The following ALAD variants were observed in gnomAD, a reference collection of about 807,000 sequenced individuals.
The protein encoded by ALAD is aminolevulinate dehydratase.
A neutral mutation model predicts 44.4 loss-of-function variants in ALAD; 20 were observed. That is an observed-to-expected ratio of 0.45 (90% CI 0.32 to 0.65). ALAD has a LOEUF of 0.65. Ranked by LOEUF, ALAD falls within the 30% of genes least tolerant of loss-of-function variation. The pLI, the probability that ALAD is intolerant of heterozygous loss-of-function variation, is 0.05. For missense variants in ALAD, 323 were observed against 445.7 expected (o/e 0.72, Z 2.48); for synonymous variants, 156 against 167.9 (o/e 0.93, Z 0.55).
At chr9:113,390,777 G>A in intron 5 of ALAD, 21 bp downstream of exon 5, 1 of 1,602,832 alleles carries the variant, frequency 6.2e-7, no homozygotes. Flanking sequence ...CAGCAGGGCT[G>A]GTGGGAGGGA....
intron 1 of ALAD, among the ~76,000 whole-genome samples, chr9:113,394,435 G>T (rs1174374334): frequency 6.6e-6 from 1 of 151,686 alleles, no homozygotes; most frequent in Non-Finnish European, 1.5e-5. Context: ...CTACTCAGGA[G>T]GCTAAAGCAA....
chr9:113,392,357 C>T (rs1316247095), intron 2 of ALAD, 188 bp from the exon 3 acceptor site: 3 of 1,482,860 alleles, frequency 2.0e-6, no homozygotes, highest in South Asian at 1.3e-5. Context: ...ATAGGAACAA[C>T]AAGAATAACA....
rs766501537 is a variant in ALAD at position 113,393,544 on chromosome 9, C to T, written c.16G>A (p.Val6Ile). 55 of 1,613,444 alleles carry T rather than the reference C, an allele frequency of 3.4e-5. No individual in the cohort carries two copies. The highest frequency in any genetic ancestry group is 2.0e-4 in the Admixed American group (12 of 60,002). ...GGGTGGAAGTAGCCGCTGTGCAGAA[C>T]GGACTGGGGCTGCATGGCGTGGGCC... is the stretch of plus-strand genomic sequence containing the variant. MQPQSVLHSGYFHPLL... is the reference protein window; with the variant it reads MQPQSILHSGYFHPLL... Residue 6 changes from valine to isoleucine, a missense_variant, in exon 2 of 12, where the codon GTT becomes ATT. By Grantham distance (29) the Val-to-Ile change is conservative. Coordinates refer to ENST00000409155, the MANE Select transcript of ALAD (RefSeq NM_000031.6).
Position 113,389,007 on chromosome 9 carries a change from G to T in ALAD, c.901C>A (p.Leu301Met). The T allele has an allele frequency of 6.2e-7, 1 of 1,613,896 alleles. No individual in the cohort carries two copies. Among genetic ancestry groups the T allele is most frequent in the East Asian group, 2.2e-5 (1 of 44,890 alleles). ...CTGCGGAAGGCAGTCATGGCCTCCA[G>T]TACGGCAGCCTTGAGATCAAATGCC... Reference protein sequence around the residue: ...AGAFDLKAAVLEAMTAFRRAG... With the variant: ...AGAFDLKAAVMEAMTAFRRAG... The change falls in exon 11 of 12, where the codon CTG becomes ATG. Residue 301 changes from leucine to methionine, a missense_variant. Coordinates refer to ENST00000409155, the MANE Select transcript of ALAD (RefSeq NM_000031.6).
At chr9:113,390,300 G>A in intron 7 of ALAD, 105 bp downstream of exon 7, 3 of 1,201,882 alleles carry the variant, frequency 2.5e-6, no homozygotes, top group Non-Finnish European at 3.6e-6. Flanking sequence ...GGGACTACAG[G>A]TGTGAGCCAA....
chr9:113,398,419 G>A (rs988512625), intron 1 of ALAD, among the ~76,000 whole-genome samples: 1 of 152,102 alleles, frequency 6.6e-6, no homozygotes, highest in African/African-American at 2.4e-5. Context: ...ACTCCCCATC[G>A]CTTTTAGGAG....
intron 2 of ALAD, among the ~76,000 whole-genome samples, chr9:113,392,911 G>C (rs927762498): frequency 2.8e-5 from 4 of 141,552 alleles, no homozygotes; most frequent in Non-Finnish European, 6.0e-5. Context: ...TCCGCCTCCC[G>C]GGTTCACGCC....
chr9:113,398,872 G>A (rs1400191232), intron 1 of ALAD, among the ~76,000 whole-genome samples: 3 of 152,116 alleles, frequency 2.0e-5, no homozygotes, highest in African/African-American at 4.8e-5. Context: ...TCACATATTG[G>A]CAGAGCCAAA....
In ALAD at chr9:113,388,180, T is replaced by A; in HGVS notation, c.*120A>T. The A allele has an allele frequency of 9.2e-7, 1 of 1,082,354 alleles. No homozygotes were observed. 67.0% of individuals were successfully genotyped at this position (1,082,354 alleles called of 1,614,324 possible). ...CCAGGGCTGCTGGGCCCCGCTAGCATGTGAGCAGGAAGAGGGCATGAGGGC... is the reference window on the plus strand; with the variant it reads ...CCAGGGCTGCTGGGCCCCGCTAGCAAGTGAGCAGGAAGAGGGCATGAGGGC... On this transcript the variant is annotated 3_prime_UTR_variant, in exon 12 of 12. Transcript: ENST00000409155.
chr9:113,390,330 AT>A (rs1827534476), intron 7 of ALAD, 74 bp downstream of exon 7: 2 of 1,494,676 alleles, frequency 1.3e-6, no homozygotes. Flanking sequence ...CAGTTCTGTG[AT>A]TCTTAGCAGA....
chr9:113,391,051 G>T, intron 4 of ALAD, 118 bp from the exon 5 acceptor site: 1 of 1,389,478 alleles, frequency 7.2e-7, no homozygotes. Context: ...CACAGCCCCT[G>T]GATAAGGAAG....
At chr9:113,389,325 G>T in intron 10 of ALAD, 113 bp downstream of exon 10, 2 of 1,367,512 alleles carry the variant, frequency 1.5e-6, no homozygotes, top group South Asian at 1.2e-5. Flanking sequence ...GCAGGGAAGG[G>T]GAGGAGAGGA....
chr9:113,389,808 A>G lies in ALAD; in HGVS notation c.591T>C (p.Ser197=), dbSNP rs2118985645. The G allele has an allele frequency of 6.2e-7, 1 of 1,614,236 alleles. No individual in the cohort carries two copies. Among genetic ancestry groups the G allele is most frequent in the Non-Finnish European group, 8.5e-7 (1 of 1,180,048 alleles). Residue 197 remains serine (S), a synonymous_variant, in exon 8 of 12, where the codon AGT becomes AGC. Transcript: ENST00000409155. ...CATAGAAACAGGAAGCAAATTTGGC[A>G]CTGTAGCTCATCACCGATACCTATG... ...LGNRVSVMSY[S]AKFASCFYGP...
chr9:113,399,628 T>C (rs1265871384), intron 1 of ALAD, among the ~76,000 whole-genome samples: 1 of 152,138 alleles, frequency 6.6e-6, no homozygotes, highest in Non-Finnish European at 1.5e-5. Flanking sequence ...TATGAAAGTA[T>C]CTCCTCCCAT....
intron 3 of ALAD, 150 bp downstream of exon 3, chr9:113,391,969 T>C: frequency 1.2e-6 from 1 of 836,318 alleles, no homozygotes; most frequent in East Asian, 2.7e-5. Context: ...GTGGAACAGC[T>C]CTGGCCCCGG....
chr9:113,396,870 G>A (rs1827742705), intron 1 of ALAD: 1 of 153,292 alleles, frequency 6.5e-6, no homozygotes. Context: ...GGCTTGGAGA[G>A]GAGGTGGAGA....
At chr9:113,389,554 GCCT>G in intron 9 of ALAD, 30 bp from the exon 10 acceptor site, 1 of 1,614,096 alleles carries the variant, frequency 6.2e-7, no homozygotes, top group Non-Finnish European at 8.5e-7. Flanking sequence ...TGTGGGTGGT[GCCT>G]AGGAGGGGGC....
intron 11 of ALAD, 53 bp from the exon 12 acceptor site, chr9:113,388,414 G>C (rs1827467860): frequency 6.4e-7 from 1 of 1,560,562 alleles, no homozygotes; most frequent in Non-Finnish European, 8.8e-7. Context: ...TCAGCTCTGA[G>C]CACACCTTCT....
chr9:113,391,735 G>C, intron 3 of ALAD, 112 bp from the exon 4 acceptor site: 1 of 853,138 alleles, frequency 1.2e-6, no homozygotes, highest in South Asian at 1.4e-5. Flanking sequence ...ATGGCACCAG[G>C]AGGGCTCAAG....
Sources: allele counts gnomAD v4.1 joint callset (sites outside exome capture counted in the v4.1 genomes callset), GRCh38; gene constraint gnomAD v4.1.1; transcripts MANE v1.5; gene names NCBI Gene and HGNC (gene_info 2026-07-23, HGNC 2026-07-21).